SV2B: variants seen among roughly 807,000 people sequenced by gnomAD.
SV2B encodes solute carrier family 22 member B2.
In SV2B, 41 loss-of-function variants were observed where a neutral mutation model predicts 73.9. The observed-to-expected ratio is 0.56, with a 90% CI of 0.43 to 0.72. The LOEUF (loss-of-function observed/expected upper bound fraction) is 0.72, where lower values mean the gene tolerates loss of function less well. SV2B is among the 30% of genes least tolerant of loss of function. The pLI, the probability that SV2B is intolerant of heterozygous loss-of-function variation, is 0.00. For missense variants in SV2B, 764 were observed against 857.8 expected, an observed-to-expected ratio of 0.89 and a Z score of 1.37; for synonymous variants, 314 against 314.2, an observed-to-expected ratio of 1.00 and a Z score of 0.01.
intron 1 of SV2B, among the ~76,000 whole-genome samples, chr15:91,111,860 G>A (rs959168317): frequency 2.0e-5 from 3 of 152,120 alleles, no homozygotes; most frequent in Non-Finnish European, 4.4e-5. Flanking sequence ...AGAAGCAGGA[G>A]CAAGAGAGAG....
In SV2B at chr15:91,284,296, A is replaced by G; in HGVS notation, c.1708+75A>G. The G allele has an allele frequency of 6.6e-7, 1 of 1,508,624 alleles. No individual in the cohort carries two copies. 93.5% of individuals were successfully genotyped at this position (1,508,624 alleles called of 1,614,324 possible). A position where few individuals can be genotyped will look rare whatever the true frequency, so the allele number is the denominator to read the frequency against. On this transcript the variant is annotated intron_variant, in intron 11 of 12. Coordinates refer to ENST00000394232, the MANE Select transcript of SV2B (RefSeq NM_001323032.3). The surrounding 1 kb of genome is among the most constrained non-coding windows in gnomAD (Gnocchi z 4.5). ...ACTTTCAAGTGTATTAAACAGGGAAATTTTCCCTTTTATTAAATAATTCTT... is the reference window on the plus strand; with the variant it reads ...ACTTTCAAGTGTATTAAACAGGGAAGTTTTCCCTTTTATTAAATAATTCTT...
At chr15:91,190,166 A>G (rs375669095) in intron 1 of SV2B, among the ~76,000 whole-genome samples, 2 of 152,176 alleles carry the variant, frequency 1.3e-5, no homozygotes, top group Non-Finnish European at 2.9e-5. Flanking sequence ...CATGTGCACA[A>G]CGTGCAGGTT....
intron 1 of SV2B, among the ~76,000 whole-genome samples, chr15:91,114,091 G>C (rs1298492967): frequency 6.7e-6 from 1 of 149,110 alleles, no homozygotes; most frequent in Non-Finnish European, 1.5e-5. Context: ...GGCTGAGGCA[G>C]GAGAATGGTG....
chr15:91,285,166 C>T (rs1024231317), intron 11 of SV2B, among the ~76,000 whole-genome samples: 1 of 152,184 alleles, frequency 6.6e-6, no homozygotes, highest in Non-Finnish European at 1.5e-5. Context: ...GGAAGGAATT[C>T]TTTTCCTGGC....
chr15:91,257,467 A>C (rs1596711791), intron 4 of SV2B, among the ~76,000 whole-genome samples: 1 of 152,222 alleles, frequency 6.6e-6, no homozygotes, highest in Admixed American at 6.5e-5. Context: ...GTAATTTCTG[A>C]ATATGGGTTT....
chr15:91,142,554 T>C (rs890611478), intron 1 of SV2B, among the ~76,000 whole-genome samples: 1 of 152,182 alleles, frequency 6.6e-6, no homozygotes, highest in Admixed American at 6.5e-5. Context: ...TAAGATCCTA[T>C]GACAAATTGA....
Position 91,266,638 on chromosome 15 carries a change from A to G in SV2B, c.1065A>G (p.Ser355=), listed in dbSNP as rs779524821. ...QMDEFIEIQS[S]TGTWYQRWLV... ...ATGAATTCATTGAGATCCAAAGTTC[A>G]ACAGGAACCTGGTACCAGCGCTGGC... The change falls in exon 7 of 13, where the codon TCA becomes TCG. Residue 355 remains serine, a synonymous_variant. Coordinates refer to ENST00000394232, the MANE Select transcript of SV2B (RefSeq NM_001323032.3). The G allele has an allele frequency of 1.2e-6, 2 of 1,614,208 alleles. No homozygotes were observed. The highest frequency in any genetic ancestry group is 1.7e-6 in the Non-Finnish European group (2 of 1,180,028).
chr15:91,216,447 G>A (rs1033878920), intron 1 of SV2B, among the ~76,000 whole-genome samples: 2 of 151,858 alleles, frequency 1.3e-5, no homozygotes, highest in Non-Finnish European at 2.9e-5. Flanking sequence ...AATTTAACTT[G>A]TACATTTTCT....
rs2048696546 is a variant in SV2B, at chr15:91,281,966, C to T, written c.1507+105C>T. On this transcript the variant is annotated intron_variant, in intron 10 of 12. Transcript: ENST00000394232. The surrounding 1 kb of genome is among the most constrained non-coding windows in gnomAD (Gnocchi z 4.7). ...TAAACTTTAGGAGTAGGAAAGTATT[C>T]GTAGATACAAATGCCAAGCCTTGGT... is the stretch of plus-strand genomic sequence containing the variant. 1.0e-5 allele frequency: 13 copies of T among 1,301,918 alleles called. No homozygotes were observed. In the East Asian group the frequency reaches 1.2e-4, roughly 12 times the overall value. 80.6% of individuals were successfully genotyped at this position (1,301,918 alleles called of 1,614,324 possible).
chr15:91,138,080 A>G (rs1307413049), intron 1 of SV2B, among the ~76,000 whole-genome samples: 1 of 152,240 alleles, frequency 6.6e-6, no homozygotes, highest in African/African-American at 2.4e-5. Context: ...TTTTATATGT[A>G]TCTTGATAGA....
chr15:91,188,567 G>A (rs1274068610), intron 1 of SV2B, among the ~76,000 whole-genome samples: 2 of 151,886 alleles, frequency 1.3e-5, no homozygotes, highest in Non-Finnish European at 2.9e-5. Flanking sequence ...CACCCACCTC[G>A]GCCTCCCAAA....
intron 1 of SV2B, among the ~76,000 whole-genome samples, chr15:91,202,686 G>C (rs1335531680): frequency 6.6e-6 from 1 of 152,210 alleles, no homozygotes. Flanking sequence ...ACCTGTGTGT[G>C]GGGGTGGGGT....
At chr15:91,251,499 G>A (rs1433695923) in intron 2 of SV2B, among the ~76,000 whole-genome samples, 1 of 152,178 alleles carries the variant, frequency 6.6e-6, no homozygotes. Flanking sequence ...GCAACACAAA[G>A]ACTTTCCTTG....
intron 6 of SV2B, among the ~76,000 whole-genome samples, chr15:91,263,425 C>A (rs570978867): frequency 2.0e-4 from 30 of 151,892 alleles, no homozygotes; most frequent in African/African-American, 6.5e-4. Flanking sequence ...CAGAAACACA[C>A]AGACACACAT....
intron 1 of SV2B, among the ~76,000 whole-genome samples, chr15:91,175,718 T>TAC (rs2044280709): frequency 6.9e-6 from 1 of 144,926 alleles, no homozygotes; most frequent in African/African-American, 2.6e-5. Context: ...TATATATATA[T>TAC]ACATATATGT....
rs2042583983 is a variant in SV2B, at chr15:91,129,610, T to C, written c.-392+29247T>C. Among the ~76,000 whole-genome samples the C allele has an allele frequency of 6.6e-6, 1 of 152,214 alleles. No homozygotes were observed. Among genetic ancestry groups the C allele is most frequent in the South Asian group, 2.1e-4 (1 of 4,824 alleles). ...GGGCACAGACTAGGACTGCATCTGG[T>C]TGCCTCCAGATGGCTTTAGGGGCCA... On this transcript the variant is annotated intron_variant, in intron 1 of 12. Transcript: ENST00000394232. This position sits in a 1 kb window ranked among gnomAD's most constrained non-coding sequence, Gnocchi z 5.1.
chr15:91,151,664 G>A (rs940159683), intron 1 of SV2B, among the ~76,000 whole-genome samples: 12 of 152,208 alleles, frequency 7.9e-5, no homozygotes, highest in African/African-American at 2.9e-4. Context: ...GGTCTGGACT[G>A]TAAATTGAAC....
Position 91,261,981 on chromosome 15 carries a change from C to T in SV2B, c.1008+1572C>T, listed in dbSNP as rs2047924792. Among the ~76,000 whole-genome samples, 1 of 152,204 alleles carries T rather than the reference C, an allele frequency of 6.6e-6. No homozygotes were observed. The highest frequency in any genetic ancestry group is 1.5e-5 in the Non-Finnish European group (1 of 68,026). ...CCTTCCTGGAGTAACTCCTACCTAA[C>T]TTTGATTCACTGCTTTTATTTTTTA... is the stretch of plus-strand genomic sequence containing the variant. On this transcript the variant is annotated intron_variant, in intron 6 of 12. Coordinates refer to ENST00000394232, the MANE Select transcript of SV2B (RefSeq NM_001323032.3). The surrounding 1 kb of genome is among the most constrained non-coding windows in gnomAD (Gnocchi z 4.7).
rs899584203 is a variant in SV2B at position 91,124,620 on chromosome 15, G to A, written c.-392+24257G>A. 6.6e-6 allele frequency among the ~76,000 whole-genome samples: 1 copy of A among 152,030 alleles called. No homozygotes were observed. Among genetic ancestry groups the A allele is most frequent in the African/African-American group, 2.4e-5 (1 of 41,380 alleles). On this transcript the variant is annotated intron_variant, in intron 1 of 12. Transcript: ENST00000394232. This position sits in a 1 kb window ranked among gnomAD's most constrained non-coding sequence, Gnocchi z 4.6. ...CTGCTATAACAAAACACCATGGAAC[G>A]GGTGATCTAAACAACAGAAATTTCT...
Sources: gnomAD v4.1 joint callset for allele counts (sites outside exome capture counted in the v4.1 genomes callset) on GRCh38, gnomAD v4.1.1 for gene constraint, Gnocchi (gnomAD v3.1) non-coding constraint, MANE v1.5 for transcripts, NCBI Gene and HGNC (gene_info 2026-07-23, HGNC 2026-07-21) for gene names.